The following CSGALNACT2 variants were observed in gnomAD, a reference collection of about 807,000 sequenced individuals.
CSGALNACT2 encodes the protein beta 4 GalNAcT-2.
Under a neutral mutation model 55.3 loss-of-function variants are expected in CSGALNACT2, and 35 were observed. The observed-to-expected ratio is 0.63, with a 90% CI of 0.48 to 0.84. CSGALNACT2 has a LOEUF of 0.84. CSGALNACT2 is among the 40% of genes least tolerant of loss of function. CSGALNACT2 has a pLI of 0.00. For missense variants in CSGALNACT2, 544 were observed against 657.5 expected, an observed-to-expected ratio of 0.83 and a Z score of 1.89; for synonymous variants, 196 against 224.9, an observed-to-expected ratio of 0.87 and a Z score of 1.15.
intron 7 of CSGALNACT2, among the ~76,000 whole-genome samples, chr10:43,177,737 A>G (rs746982707): frequency 9.9e-5 from 15 of 152,206 alleles, no homozygotes; most frequent in Admixed American, 2.0e-4. Flanking sequence ...ATTTGTGTTT[A>G]ACTTTTTGGG....
chr10:43,162,901 G>C, intron 4 of CSGALNACT2: 1 of 985,432 alleles, frequency 1.0e-6, no homozygotes, highest in Non-Finnish European at 1.2e-6. Flanking sequence ...AAGTCCTGCT[G>C]ATTCTCTTTG....
chr10:43,155,224 G>A lies in CSGALNACT2; in HGVS notation c.75G>A (p.Leu25=), dbSNP rs772278803. The A allele has an allele frequency of 3.1e-6, 5 of 1,613,806 alleles. No individual in the cohort carries two copies. Among genetic ancestry groups the A allele is most frequent in the Non-Finnish European group, 3.4e-6 (4 of 1,179,994 alleles). Residue 25 remains leucine, a synonymous_variant, in exon 2 of 8, where the codon TTG becomes TTA. Coordinates refer to ENST00000374466, the MANE Select transcript of CSGALNACT2 (RefSeq NM_018590.5). ...LLLGLALLCS[L]VLFMYLLECA... ...TGGGCCTTGCTTTGCTCTGCAGTTT[G>A]GTATTATTTATGTACCTCCTGGAAT...
At chr10:43,148,355 A>G (rs565500672) in intron 1 of CSGALNACT2, among the ~76,000 whole-genome samples, 59 of 152,070 alleles carry the variant, frequency 3.9e-4, no homozygotes, top group African/African-American at 1.4e-3. Context: ...TTCTTGTTCA[A>G]TATTATTTGG....
intron 2 of CSGALNACT2, 63 bp downstream of exon 2, chr10:43,155,873 GGTATT>G (rs984496209): frequency 2.5e-5 from 33 of 1,321,970 alleles, no homozygotes; most frequent in Non-Finnish European, 3.2e-5. Context: ...ATTGTATGCT[GGTATT>G]GTATTGTAGT....
At chr10:43,171,986 C>T (rs1013057350) in intron 6 of CSGALNACT2, among the ~76,000 whole-genome samples, 1 of 152,172 alleles carries the variant, frequency 6.6e-6, no homozygotes, top group Admixed American at 6.5e-5. Context: ...GCTGTTAGGT[C>T]ACTGCTTTTA....
In CSGALNACT2 at chr10:43,183,894, A is replaced by G. The variant is rs1471751153; in HGVS notation, c.*352A>G. 1.4e-5 allele frequency: 4 copies of G among 294,048 alleles called. No individual in the cohort carries two copies. Among genetic ancestry groups the G allele is most frequent in the African/African-American group, 8.7e-5 (4 of 46,110 alleles). 18.2% of individuals were successfully genotyped at this position (294,048 alleles called of 1,614,324 possible). A position where few individuals can be genotyped will look rare whatever the true frequency, so the allele number is the denominator to read the frequency against. ...TGGAGCGGATGGAATGTGCTGGGCC[A>G]CTGTTGGGTGGAGAGCAGCACATTC... On this transcript the variant is annotated 3_prime_UTR_variant, in exon 8 of 8. Transcript: ENST00000374466.
In CSGALNACT2 at chr10:43,163,783, CAT is replaced by C. The variant is rs559407037; in HGVS notation, c.981-80_981-79del. On this transcript the variant is annotated intron_variant, in intron 4 of 7. Coordinates refer to ENST00000374466, the MANE Select transcript of CSGALNACT2 (RefSeq NM_018590.5). ...ATAATCAAATATTTGAAGTGTAAAA[CAT>C]ATTTTGTAAGCTGTGTTGAAGGAAG... 184 of 1,438,130 alleles carry C rather than the reference CAT, an allele frequency of 1.3e-4. 1 individual carries two copies. The African/African-American group carries it at 2.4e-3, about 19-fold the overall frequency. 89.1% of individuals were successfully genotyped at this position (1,438,130 alleles called of 1,614,324 possible). A position where few individuals can be genotyped will look rare whatever the true frequency, so the allele number is the denominator to read the frequency against.
chr10:43,149,534 C>A (rs1254934175), intron 1 of CSGALNACT2, among the ~76,000 whole-genome samples: 2 of 152,088 alleles, frequency 1.3e-5, no homozygotes, highest in African/African-American at 2.4e-5. Context: ...ACCTTGCAGT[C>A]CTGGGATAAA....
intron 6 of CSGALNACT2, among the ~76,000 whole-genome samples, 167 bp from the exon 7 acceptor site, chr10:43,175,784 T>G (rs1839468521): frequency 6.6e-6 from 1 of 152,232 alleles, no homozygotes; most frequent in Non-Finnish European, 1.5e-5. Flanking sequence ...AGTTCTATTT[T>G]TATTTGTTTT....
chr10:43,149,488 G>T (rs1406125698), intron 1 of CSGALNACT2, among the ~76,000 whole-genome samples: 1 of 152,128 alleles, frequency 6.6e-6, no homozygotes, highest in Non-Finnish European at 1.5e-5. Context: ...TATTGATATG[G>T]TATATTGCAT....
chr10:43,146,031 G>A (rs750295054), intron 1 of CSGALNACT2, among the ~76,000 whole-genome samples: 3 of 152,122 alleles, frequency 2.0e-5, no homozygotes, highest in Non-Finnish European at 4.4e-5. Context: ...AATTAGCCAA[G>A]TGTATTAGTC....
chr10:43,176,669 G>T (rs756297330), intron 7 of CSGALNACT2, among the ~76,000 whole-genome samples: 3 of 152,130 alleles, frequency 2.0e-5, no homozygotes, highest in Non-Finnish European at 4.4e-5. Context: ...AGGCTCAAGC[G>T]ATCCTCCTAC....
Position 43,181,108 on chromosome 10 carries a change from T to A in CSGALNACT2, c.1337-2142T>A, listed in dbSNP as rs180736491. On this transcript the variant is annotated intron_variant, in intron 7 of 7. Coordinates refer to ENST00000374466, the MANE Select transcript of CSGALNACT2 (RefSeq NM_018590.5). ...CTAATAGAGCTCCTAGAGGTAAAAC[T>A]CACATGAGTATGGGGGTCCCAATAT... 2.6e-5 allele frequency among the ~76,000 whole-genome samples: 4 copies of A among 152,318 alleles called. No individual in the cohort carries two copies. The East Asian group carries it at 7.7e-4, about 29-fold the overall frequency.
chr10:43,166,809 A>G (rs1192092859), intron 5 of CSGALNACT2, among the ~76,000 whole-genome samples, 195 bp from the exon 6 acceptor site: 3 of 152,228 alleles, frequency 2.0e-5, no homozygotes, highest in African/African-American at 4.8e-5. Flanking sequence ...TTCTTTTGCA[A>G]GGTTATAGTT....
At chr10:43,181,753 G>A (rs1017501695) in intron 7 of CSGALNACT2, among the ~76,000 whole-genome samples, 4 of 148,790 alleles carry the variant, frequency 2.7e-5, no homozygotes, top group African/African-American at 1.0e-4. Flanking sequence ...ACTCCAGCCT[G>A]GGCAACAGAG....
intron 6 of CSGALNACT2, among the ~76,000 whole-genome samples, chr10:43,169,418 T>A (rs913186139): frequency 2.6e-5 from 4 of 152,212 alleles, no homozygotes; most frequent in African/African-American, 9.6e-5. Context: ...TTGAGGAGAT[T>A]AGAGAAAATG....
chr10:43,170,201 G>A (rs1181699983), intron 6 of CSGALNACT2, among the ~76,000 whole-genome samples: 1 of 152,194 alleles, frequency 6.6e-6, no homozygotes, highest in Admixed American at 6.5e-5. Flanking sequence ...ATACTTATGT[G>A]TATTACCTAG....
chr10:43,177,947 A>C (rs1475305337), intron 7 of CSGALNACT2, among the ~76,000 whole-genome samples: 1 of 152,166 alleles, frequency 6.6e-6, no homozygotes, highest in Non-Finnish European at 1.5e-5. Context: ...TTTTGTTTCT[A>C]GTATCACCCA....
At position 43,138,817 on chromosome 10, in the gene CSGALNACT2, C is replaced by T. The variant is rs534751278; in HGVS notation, c.-254+250C>T. Among the ~76,000 whole-genome samples the T allele has an allele frequency of 3.9e-5, 6 of 152,296 alleles. No individual in the cohort carries two copies. In the South Asian group the frequency reaches 1.0e-3, roughly 26 times the overall value. On this transcript the variant is annotated intron_variant, in intron 1 of 7. Coordinates refer to ENST00000374466, the MANE Select transcript of CSGALNACT2 (RefSeq NM_018590.5). ...TTGTTTTGTTTCGTTTTGTTTTTAC[C>T]TATTCATCACCATCTCTGCTCCTCT...
Sources: gnomAD v4.1 joint callset for allele counts (sites outside exome capture counted in the v4.1 genomes callset) on GRCh38, gnomAD v4.1.1 for gene constraint, MANE v1.5 for transcripts, NCBI Gene and HGNC (gene_info 2026-07-23, HGNC 2026-07-21) for gene names.